Variants in DNAH6 observed in about 807,000 individuals in gnomAD.
DNAH6 encodes axonemal beta dynein heavy chain 6.
DNAH6 carries 340 observed loss-of-function variants against 491.4 expected under a neutral mutation model. The observed-to-expected ratio is 0.69, with a 90% CI of 0.63 to 0.76. DNAH6 has a LOEUF of 0.76. Among genes scored for constraint, DNAH6 ranks in the 30% least tolerant of loss-of-function variants. The pLI, the probability that DNAH6 is intolerant of heterozygous loss-of-function variation, is 0.00. For missense variants in DNAH6, 4,443 were observed against 4,972.2 expected (o/e 0.89, Z 3.20); for synonymous variants, 1,603 against 1,686.1 (o/e 0.95, Z 1.21).
intron 2 of DNAH6, among the ~76,000 whole-genome samples, chr2:84,518,583 A>G (rs1675818956): frequency 6.6e-6 from 1 of 152,208 alleles, no homozygotes; most frequent in African/African-American, 2.4e-5. Context: ...CGTTAGCTAC[A>G]TCTATTTCTC....
At chr2:84,762,986 T>C in intron 64 of DNAH6, 41 bp downstream of exon 64, 2 of 1,452,210 alleles carry the variant, frequency 1.4e-6, no homozygotes, top group Non-Finnish European at 1.9e-6. Flanking sequence ...CAAATGCATA[T>C]GAACATCTCT....
chr2:84,699,452 A>C, intron 47 of DNAH6, 142 bp from the exon 48 acceptor site: 1 of 724,348 alleles, frequency 1.4e-6, no homozygotes, highest in Non-Finnish European at 2.2e-6. Context: ...GTTGGAGTGA[A>C]TGTTGAACAA....
At position 84,587,293 on chromosome 2, in the gene DNAH6, T is replaced by C. The variant is rs150829920; in HGVS notation, c.2482-1533T>C. Among the ~76,000 whole-genome samples the C allele has an allele frequency of 1.4e-4, 21 of 152,364 alleles. No individual in the cohort carries two copies. The East Asian group carries it at 4.0e-3, about 29-fold the overall frequency. ...CCTGCAAAGGACATTATCTTGTTAT[T>C]TTTTATGGCTTCATAGTGTTCCGTG... On this transcript the variant is annotated intron_variant, in intron 15 of 76. Transcript: ENST00000389394.
chr2:84,681,375 C>G lies in DNAH6; in HGVS notation c.6763C>G (p.Leu2255Val). Residue 2255 changes from leucine (L) to valine (V), a missense_variant, in exon 42 of 77, where the codon CTG becomes GTG. Leu to Val is a conservative substitution (Grantham distance 32). Around this residue, in one of 3 missense-constraint regions of DNAH6, gnomAD observed 2,977 missense variants for 3,296.6 expected, o/e 0.90. Coordinates refer to ENST00000389394, the MANE Select transcript of DNAH6 (RefSeq NM_001370.2). ...GTTCTAGGCCATCTTAAATGGTTTC[C>G]TGAGTGACTTTCCACCAGCTGTAAA... ...QIFQAILNGF[L>V]SDFPPAVKQT... 6.5e-7 allele frequency: 1 copy of G among 1,545,532 alleles called. No homozygotes were observed. Among genetic ancestry groups the G allele is most frequent in the South Asian group, 1.2e-5 (1 of 82,574 alleles).
intron 31 of DNAH6, among the ~76,000 whole-genome samples, chr2:84,638,795 T>C (rs1479847278): frequency 6.6e-6 from 1 of 152,156 alleles, no homozygotes; most frequent in Non-Finnish European, 1.5e-5. Context: ...AGTGTGGTGC[T>C]AGCATCTACT....
At chr2:84,545,784 G>A (rs1045848128) in intron 5 of DNAH6, among the ~76,000 whole-genome samples, 2 of 152,208 alleles carry the variant, frequency 1.3e-5, no homozygotes, top group South Asian at 2.1e-4. Context: ...GTTAACTAGG[G>A]CTGATTCCCC....
In DNAH6 at chr2:84,653,449, A is replaced by G. The variant is rs750145270; in HGVS notation, c.5209A>G (p.Ile1737Val). 18 of 1,551,256 alleles carry G rather than the reference A, an allele frequency of 1.2e-5. No homozygotes were observed. In the South Asian group the frequency reaches 2.1e-4, roughly 18 times the overall value. Reference sequence around the variant, plus strand: ...TGAGATGTGTATGGTTAGAAAGGTGATACAGTTTTATGAAACTATGCTAGT... The same window carrying G: ...TGAGATGTGTATGGTTAGAAAGGTGGTACAGTTTTATGAAACTATGCTAGT... ...QPEMCMVRKV[I>V]QFYETMLVRH... is the part of the protein sequence containing the mutation. The change falls in exon 34 of 77, where the codon ATA becomes GTA. Residue 1737 changes from isoleucine to valine, a missense_variant. Ile to Val is a conservative substitution (Grantham distance 29). Transcript: ENST00000389394.
rs370601864 is a variant in DNAH6, at chr2:84,592,847, C to T, written c.2611-1125C>T. 7.1e-4 allele frequency among the ~76,000 whole-genome samples: 108 copies of T among 152,236 alleles called. 1 individual carries two copies. The highest frequency in any genetic ancestry group is 2.5e-3 in the African/African-American group (102 of 41,546). ...GCCTGCTACAAAAGGACAAATACTG[C>T]ATGATCTCATTTATATGAGATATCT... On this transcript the variant is annotated intron_variant, in intron 16 of 76. Coordinates refer to ENST00000389394, the MANE Select transcript of DNAH6 (RefSeq NM_001370.2).
chr2:84,547,337 AT>A lies in DNAH6; in HGVS notation c.1002del (p.Ile334MetfsTer20). 6.4e-7 allele frequency: 1 copy of A among 1,551,574 alleles called. No individual in the cohort carries two copies. The highest frequency in any genetic ancestry group is 8.7e-7 in the Non-Finnish European group (1 of 1,146,886). On this transcript the variant is annotated frameshift_variant, in exon 6 of 77. Coordinates refer to ENST00000389394, the MANE Select transcript of DNAH6 (RefSeq NM_001370.2). LOFTEE classifies it high-confidence loss of function. ...TTTGAGTTTTATGGGACTTTGTTAT[AT>A]TGAAAAGTGTCACACCTACACCCTG... Reference protein sequence around the residue: ...YHLSFMGLCYIEKCHTYTLQE... With the variant: ...YHLSFMGLCYXEKCHTYTLQE...
chr2:84,630,203 T>C (rs1688274268), intron 29 of DNAH6, among the ~76,000 whole-genome samples: 1 of 152,122 alleles, frequency 6.6e-6, no homozygotes, highest in South Asian at 2.1e-4. Context: ...ACATTAGAAA[T>C]TACTATTTTG....
chr2:84,761,595 C>A (rs368377303), intron 63 of DNAH6, among the ~76,000 whole-genome samples: 1 of 152,184 alleles, frequency 6.6e-6, no homozygotes, highest in African/African-American at 2.4e-5. Context: ...ACGTGATGGC[C>A]CTATTGCATA....
intron 61 of DNAH6, 68 bp downstream of exon 61, chr2:84,727,970 A>G: frequency 1.0e-6 from 1 of 983,152 alleles, no homozygotes; most frequent in Non-Finnish European, 1.6e-6. Context: ...TCTCATTTTG[A>G]ATTGTAGCTA....
In DNAH6 at chr2:84,812,487, A is replaced by G. The variant is rs1373791241; in HGVS notation, c.11886A>G (p.Ser3962=). The G allele has an allele frequency of 6.4e-7, 1 of 1,551,744 alleles. No individual in the cohort carries two copies. Among genetic ancestry groups the G allele is most frequent in the East Asian group, 2.4e-5 (1 of 40,918 alleles). The stretch of plus-strand genomic sequence containing the variant: ...ACCCATCCCTGAAGCCACTAGGATC[A>G]TGGGTCAAAGACCTTATCCTGAGGA... ...TAYPSLKPLG[S]WVKDLILRTS... The change falls in exon 73 of 77, where the codon TCA becomes TCG. Residue 3962 remains serine (S), a synonymous_variant. Coordinates refer to ENST00000389394, the MANE Select transcript of DNAH6 (RefSeq NM_001370.2).
chr2:84,592,830 C>CA (rs1372182543), intron 16 of DNAH6, among the ~76,000 whole-genome samples: 1 of 152,038 alleles, frequency 6.6e-6, no homozygotes, highest in African/African-American at 2.4e-5. Flanking sequence ...AAGCCTGCTA[C>CA]AAAAGGACAA....
intron 39 of DNAH6, 110 bp from the exon 40 acceptor site, chr2:84,672,217 T>G (rs1573436463): frequency 9.0e-7 from 1 of 1,108,794 alleles, no homozygotes; most frequent in Middle Eastern, 2.5e-4. Context: ...AGAACTGAGC[T>G]CTTTATGACC....
In DNAH6 at chr2:84,595,937, G is replaced by A. The variant is rs1684537125; in HGVS notation, c.2868+148G>A. ...ATAGTCAAATTCATTTTTTTGCAGT[G>A]GCACAGACTGCATTCCTGTCTTCAT... On this transcript the variant is annotated intron_variant, in intron 18 of 76. Coordinates refer to ENST00000389394, the MANE Select transcript of DNAH6 (RefSeq NM_001370.2). 5 of 876,714 alleles carry A rather than the reference G, an allele frequency of 5.7e-6. No individual in the cohort carries two copies. In the South Asian group the frequency reaches 8.8e-5, roughly 15 times the overall value. The allele number at this position is 876,714 out of a possible 1,614,324, so 54.3% of individuals were successfully genotyped here. A position where few individuals can be genotyped will look rare whatever the true frequency, so the allele number is the denominator to read the frequency against.
intron 16 of DNAH6, among the ~76,000 whole-genome samples, chr2:84,592,594 A>C (rs1246500455): frequency 6.6e-6 from 1 of 152,164 alleles, no homozygotes; most frequent in South Asian, 2.1e-4. Context: ...ATATATCCCA[A>C]ATAATTGAAT....
At chr2:84,770,664 A>G (rs940461684) in intron 64 of DNAH6, among the ~76,000 whole-genome samples, 1 of 152,168 alleles carries the variant, frequency 6.6e-6, no homozygotes, top group African/African-American at 2.4e-5. Context: ...AGATTACTCA[A>G]TTTGGTGAGC....
chr2:84,777,430 C>A, intron 64 of DNAH6: 1 of 585,508 alleles, frequency 1.7e-6, no homozygotes, highest in South Asian at 1.9e-5. Context: ...GACCCTTAAT[C>A]ATGGTGGAAA....
Sources: gnomAD v4.1 joint callset for allele counts (sites outside exome capture counted in the v4.1 genomes callset) on GRCh38, gnomAD v4.1.1 for gene constraint, gnomAD v4.1.1 regional missense constraint, MANE v1.5 for transcripts, NCBI Gene and HGNC (gene_info 2026-07-23, HGNC 2026-07-21) for gene names.